CCDC171: variants seen among roughly 807,000 people sequenced by gnomAD.
CCDC171 encodes the protein coiled-coil domain-containing protein 171.
CCDC171 carries 177 observed loss-of-function variants against 168.2 expected under a neutral mutation model. The observed-to-expected ratio is 1.05, with a 90% CI of 0.93 to 1.19. The LOEUF (loss-of-function observed/expected upper bound fraction) is 1.19, where lower values mean the gene tolerates loss of function less well. Ranked by LOEUF, CCDC171 falls within the 50% of genes most tolerant of loss-of-function variation. The pLI is 0.00. For missense variants in CCDC171, 1,991 were observed against 1,539.0 expected (o/e 1.29, Z -4.91); for synonymous variants, 687 against 540.8 (o/e 1.27, Z -3.75).
the CCDC171 span, among the ~76,000 whole-genome samples, chr9:16,087,310 G>C: frequency 2.0e-5 from 3 of 152,070 alleles, no homozygotes; most frequent in African/African-American, 7.2e-5. Context: ...TCGTTGTTCT[G>C]TCTAATATTG....
chr9:15,894,074 C>CA (rs1485356647), intron 24 of CCDC171, among the ~76,000 whole-genome samples: 1 of 152,178 alleles, frequency 6.6e-6, no homozygotes, highest in Non-Finnish European at 1.5e-5. Flanking sequence ...GGTACATACA[C>CA]ACCATGGAAT....
chr9:16,075,883 C>T, the CCDC171 span, among the ~76,000 whole-genome samples: 160 of 152,284 alleles, frequency 1.1e-3, no homozygotes, highest in Non-Finnish European at 1.9e-3. Context: ...CACAGCATAG[C>T]ATAGCATAGC....
chr9:15,871,111 A>C (rs1367173683), intron 23 of CCDC171, among the ~76,000 whole-genome samples: 1 of 151,652 alleles, frequency 6.6e-6, no homozygotes, highest in Non-Finnish European at 1.5e-5. Flanking sequence ...TAAAAATCAA[A>C]ATTTTAGAGT....
chr9:15,575,154 C>G (rs1180119289), intron 3 of CCDC171, among the ~76,000 whole-genome samples: 2 of 138,632 alleles, frequency 1.4e-5, no homozygotes, highest in Non-Finnish European at 1.5e-5. Context: ...AGTGACATAA[C>G]TACTTTTTTT....
chr9:15,744,726 A>G lies in CCDC171; in HGVS notation c.2503A>G (p.Ile835Val). 6.2e-7 allele frequency: 1 copy of G among 1,614,094 alleles called. No homozygotes were observed. The highest frequency in any genetic ancestry group is 1.1e-5 in the South Asian group (1 of 91,086). ...FTWMESFKEG[I>V]GMLVCTGEPQ... ...CTGGATGGAGAGTTTCAAAGAAGGC[A>G]TAGGCATGTTAGTGTGCACAGGAGA... The change falls in exon 17 of 26, where the codon ATA (isoleucine) becomes GTA (valine). Residue 835 changes from isoleucine to valine, a missense_variant. Physicochemically the swap from Ile to Val is conservative, Grantham distance 29. Coordinates refer to ENST00000380701, the MANE Select transcript of CCDC171 (RefSeq NM_173550.4).
At chr9:16,053,486 C>T (rs903390478) in intron 1 of CCDC171, among the ~76,000 whole-genome samples, 2 of 152,222 alleles carry the variant, frequency 1.3e-5, no homozygotes, top group African/African-American at 2.4e-5. Context: ...GACCCATCCG[C>T]GCCTCAGTTT....
At chr9:15,870,849 TA>T (rs1409914523) in intron 23 of CCDC171, among the ~76,000 whole-genome samples, 13 of 151,346 alleles carry the variant, frequency 8.6e-5, no homozygotes. Flanking sequence ...TACTTGTGAG[TA>T]AAGGCTAATC....
intron 7 of CCDC171, among the ~76,000 whole-genome samples, chr9:15,646,909 C>T (rs2047085542): frequency 6.6e-6 from 1 of 152,222 alleles, no homozygotes. Flanking sequence ...ACCTAATAGA[C>T]ATCTACAGAA....
chr9:16,070,655 G>A, the CCDC171 span, among the ~76,000 whole-genome samples: 5 of 152,206 alleles, frequency 3.3e-5, no homozygotes, highest in African/African-American at 4.8e-5. Context: ...GCAAGAAAGA[G>A]GAGAGAGGAG....
chr9:15,581,399 C>G (rs549628934), intron 4 of CCDC171, among the ~76,000 whole-genome samples: 2 of 152,244 alleles, frequency 1.3e-5, no homozygotes, highest in African/African-American at 4.8e-5. Context: ...CAAGCTACCA[C>G]TGGCTTTCTT....
intron 5 of CCDC171, among the ~76,000 whole-genome samples, chr9:15,592,168 A>AG (rs1422458774): frequency 1.3e-5 from 2 of 151,820 alleles, no homozygotes; most frequent in African/African-American, 4.8e-5. Flanking sequence ...AAAAAAAAAA[A>AG]AATTACATGA....
At chr9:15,905,228 A>T (rs1311490111) in intron 24 of CCDC171, among the ~76,000 whole-genome samples, 2 of 152,220 alleles carry the variant, frequency 1.3e-5, no homozygotes, top group Non-Finnish European at 1.5e-5. Flanking sequence ...CATTCTTCTC[A>T]GCACCACACT....
Position 15,878,489 on chromosome 9 carries a change from T to G in CCDC171, c.3600+3826T>G, listed in dbSNP as rs570361566. 1.2e-4 allele frequency among the ~76,000 whole-genome samples: 19 copies of G among 152,180 alleles called. 1 individual carries two copies. The South Asian group carries it at 3.7e-3, about 30-fold the overall frequency. The stretch of plus-strand genomic sequence containing the variant: ...AAAGTCAAAAAATAACAGATGCTGA[T>G]GAGGTTGTGGAGAAAAGGGAATGCT... On this transcript the variant is annotated intron_variant, in intron 24 of 25. Transcript: ENST00000380701.
intron 4 of CCDC171, among the ~76,000 whole-genome samples, chr9:15,581,427 C>T (rs950422401): frequency 6.6e-6 from 1 of 152,174 alleles, no homozygotes; most frequent in Admixed American, 6.5e-5. Flanking sequence ...CTGGAAAAAA[C>T]TACTTTAAAG....
Position 15,984,339 on chromosome 9 carries a change from G to A in CCDC171, n.369-36250G>A, listed in dbSNP as rs147877248. Among the ~76,000 whole-genome samples the A allele has an allele frequency of 1.9e-3, 296 of 152,246 alleles. 2 individuals are homozygous for A. The highest frequency in any genetic ancestry group is 6.3e-3 in the African/African-American group (262 of 41,544). ...TTGTGCCGGTAATAGTGTCACTGTG[G>A]TTAGGTATGGGGTTAGGTATGTAAT... On this transcript the variant is annotated intron_variant and non_coding_transcript_variant, in intron 3 of 9. Coordinates refer to the CCDC171 transcript ENST00000486641.
chr9:15,904,176 T>C (rs1029580252), intron 24 of CCDC171, among the ~76,000 whole-genome samples: 5 of 152,012 alleles, frequency 3.3e-5, no homozygotes, highest in Admixed American at 2.0e-4. Flanking sequence ...ATATAGAGAA[T>C]GCCACAAAGA....
intron 25 of CCDC171, among the ~76,000 whole-genome samples, chr9:15,965,884 T>G (rs958049054): frequency 2.0e-5 from 3 of 152,246 alleles, no homozygotes; most frequent in Admixed American, 6.5e-5. Context: ...TCAAAGCCCG[T>G]ATTCTTTCCA....
At chr9:15,992,809 C>T (rs1832243362) in intron 3 of CCDC171, among the ~76,000 whole-genome samples, 1 of 152,244 alleles carries the variant, frequency 6.6e-6, no homozygotes, top group East Asian at 1.9e-4. Flanking sequence ...AACGGACAAA[C>T]AGAGAGCCAA....
chr9:15,673,914 G>C (rs1003123276), intron 9 of CCDC171, among the ~76,000 whole-genome samples: 2 of 152,190 alleles, frequency 1.3e-5, no homozygotes, highest in African/African-American at 4.8e-5. Flanking sequence ...AATAGTTTCA[G>C]AATGAATGGT....
Sources: gnomAD v4.1 joint callset for allele counts (sites outside exome capture counted in the v4.1 genomes callset) on GRCh38, gnomAD v4.1.1 for gene constraint, MANE v1.5 for transcripts, NCBI Gene and HGNC (gene_info 2026-07-23, HGNC 2026-07-21) for gene names.